PC: variants seen among roughly 807,000 people sequenced by gnomAD.
PC encodes pyruvate carboxylase, mitochondrial.
A neutral mutation model predicts 107.8 loss-of-function variants in PC; 46 were observed. The observed-to-expected ratio is 0.43, with a 90% CI of 0.34 to 0.55. The LOEUF (loss-of-function observed/expected upper bound fraction) is 0.55. Among genes scored for constraint, PC ranks in the 20% least tolerant of loss-of-function variants. PC has a pLI of 0.04. For missense variants in PC, 1,241 were observed against 1,643.1 expected (o/e 0.76, Z 4.23); for synonymous variants, 662 against 684.7 (o/e 0.97, Z 0.52).
At chr11:66,890,663 G>C (rs1947542824) in intron 3 of PC, among the ~76,000 whole-genome samples, 1 of 151,292 alleles carries the variant, frequency 6.6e-6, no homozygotes, top group African/African-American at 2.4e-5. Context: ...ACCATGCCCG[G>C]CTAATTTTGT....
rs558459320 is a variant in PC, at chr11:66,931,649, G to A, written c.-1+20781C>T. ...CAGACTTTTTATTTGTGCTGACATC[G>A]GACGATTTCCAAGATACACTGATAA... On this transcript the variant is annotated intron_variant, in intron 3 of 22. Transcript: ENST00000393960. Among the ~76,000 whole-genome samples, 178 of 152,026 alleles carry A rather than the reference G, an allele frequency of 1.2e-3. 1 individual carries two copies. The highest frequency in any genetic ancestry group is 0.011 in the South Asian group (53 of 4,814).
chr11:66,953,422 ATAAG>A (rs761575768), intron 2 of PC, among the ~76,000 whole-genome samples: 25 of 152,202 alleles, frequency 1.6e-4, no homozygotes, highest in Non-Finnish European at 2.9e-4. Context: ...CCTCTCTGCC[ATAAG>A]TAAGAGCCCA....
intron 3 of PC, among the ~76,000 whole-genome samples, chr11:66,930,737 G>A (rs947403097): frequency 2.9e-5 from 3 of 103,384 alleles, no homozygotes; most frequent in Non-Finnish European, 5.6e-5. Context: ...GCAAGACTCT[G>A]TCTTAAAAAA....
chr11:66,862,775 G>A (rs1310478716), intron 12 of PC, among the ~76,000 whole-genome samples: 2 of 152,240 alleles, frequency 1.3e-5, no homozygotes, highest in African/African-American at 2.4e-5. Flanking sequence ...TACCCATTTA[G>A]AGTCCTCATG....
At chr11:66,912,014 C>A (rs993601387) in intron 3 of PC, among the ~76,000 whole-genome samples, 9 of 147,956 alleles carry the variant, frequency 6.1e-5, no homozygotes, top group Non-Finnish European at 1.0e-4. Context: ...GCCTGGGCAA[C>A]AGAGCAAGAC....
chr11:66,864,335 C>T lies in PC; in HGVS notation c.1186-379G>A, dbSNP rs368576053. On this transcript the variant is annotated intron_variant, in intron 11 of 22. Coordinates refer to ENST00000393960, the MANE Select transcript of PC (RefSeq NM_001040716.2). ...CTAGCCTTTCAGACTCATCCACGTT[C>T]GTTCCACAGCACGGATTGAGGTCTG... is the stretch of plus-strand genomic sequence containing the variant. Among the ~76,000 whole-genome samples, 59 of 152,378 alleles carry T rather than the reference C, an allele frequency of 3.9e-4. 3 individuals carry two copies. The highest frequency in any genetic ancestry group is 2.3e-3 in the East Asian group (12 of 5,176).
At chr11:66,879,763 T>C (rs997592560) in intron 3 of PC, among the ~76,000 whole-genome samples, 2 of 151,884 alleles carry the variant, frequency 1.3e-5, no homozygotes, top group African/African-American at 4.8e-5. Flanking sequence ...CCTGGCAAGA[T>C]GATGAGGGAG....
intron 3 of PC, among the ~76,000 whole-genome samples, chr11:66,927,684 C>T (rs1015261585): frequency 1.3e-5 from 2 of 149,144 alleles, no homozygotes; most frequent in African/African-American, 2.5e-5. Flanking sequence ...GATCGTGCCA[C>T]GGCACTCCAG....
intron 3 of PC, among the ~76,000 whole-genome samples, chr11:66,903,773 A>AAAAAT (rs1555039098): frequency 1.4e-4 from 9 of 62,524 alleles, no homozygotes; most frequent in African/African-American, 4.9e-4. Flanking sequence ...AAAAAAAAAA[A>AAAAAT]ATATATATAT....
chr11:66,876,657 T>C (rs1171355807), intron 3 of PC, among the ~76,000 whole-genome samples: 3 of 152,182 alleles, frequency 2.0e-5, no homozygotes, highest in Admixed American at 1.3e-4. Flanking sequence ...TAAGCCCTGC[T>C]CCAGGCGAGT....
At chr11:66,918,480 C>T (rs1442838988) in intron 3 of PC, among the ~76,000 whole-genome samples, 1 of 151,920 alleles carries the variant, frequency 6.6e-6, no homozygotes, top group African/African-American at 2.4e-5. Context: ...CCTCCGCCTC[C>T]TGGGTTCAAG....
chr11:66,891,288 G>A (rs776569738), intron 3 of PC, among the ~76,000 whole-genome samples: 1 of 151,748 alleles, frequency 6.6e-6, no homozygotes, highest in Non-Finnish European at 1.5e-5. Flanking sequence ...TTTACCTCCT[G>A]ACCTCAGGTG....
intron 12 of PC, among the ~76,000 whole-genome samples, chr11:66,862,230 C>T (rs1946297358): frequency 6.6e-6 from 1 of 152,162 alleles, no homozygotes; most frequent in Non-Finnish European, 1.5e-5. Context: ...GACAGGGACC[C>T]CCAACAGGGA....
At position 66,871,630 on chromosome 11, in the gene PC, G is replaced by A. The variant is rs900580664; in HGVS notation, c.321+57C>T. 2.4e-5 allele frequency: 38 copies of A among 1,560,862 alleles called. No individual in the cohort carries two copies. Among genetic ancestry groups the A allele is most frequent in the East Asian group, 4.8e-5 (2 of 41,864 alleles). ...CACGCCAGCCTCAAGAGACCCCCGC[G>A]GCAACTAAGACTCCCTGGTCCCTGC... On this transcript the variant is annotated intron_variant, in intron 5 of 22. Coordinates refer to ENST00000393960, the MANE Select transcript of PC (RefSeq NM_001040716.2). This position sits in a 1 kb window ranked among gnomAD's most constrained non-coding sequence, Gnocchi z 7.4.
intron 12 of PC, chr11:66,860,652 T>A (rs1290667213): frequency 1.4e-6 from 1 of 701,610 alleles, no homozygotes; most frequent in Non-Finnish European, 2.6e-6. Flanking sequence ...CCAAGGGCTG[T>A]GCCTGGTGTC....
chr11:66,854,643 G>C (rs1028222180), intron 12 of PC, among the ~76,000 whole-genome samples: 3 of 152,154 alleles, frequency 2.0e-5, no homozygotes, highest in African/African-American at 7.2e-5. Flanking sequence ...CTTCCACCGC[G>C]AAGAAAACAC....
At position 66,866,501 on chromosome 11, in the gene PC, C is replaced by A. The variant is rs984059965; in HGVS notation, c.1023-152G>T. ...GGGCCAGCCTGAACAGCCGGTTCCTCCCAACCAGTGGCTCCACCAGCCCCT... is the reference window on the plus strand; with the variant it reads ...GGGCCAGCCTGAACAGCCGGTTCCTACCAACCAGTGGCTCCACCAGCCCCT... On this transcript the variant is annotated intron_variant, in intron 10 of 22. Transcript: ENST00000393960. This position sits in a 1 kb window ranked among gnomAD's most constrained non-coding sequence, Gnocchi z 5.4. 20 of 646,058 alleles carry A rather than the reference C, an allele frequency of 3.1e-5. No homozygotes were observed. In the African/African-American group the frequency reaches 3.6e-4, roughly 12 times the overall value. The allele number at this position is 646,058 out of a possible 1,614,324, so 40.0% of individuals were successfully genotyped here. A position where few individuals can be genotyped will look rare whatever the true frequency, so the allele number is the denominator to read the frequency against.
At position 66,850,835 on chromosome 11, in the gene PC, T is replaced by C; in HGVS notation, c.2312A>G (p.His771Arg). The change falls in exon 18 of 23, where the codon CAC (histidine) becomes CGC (arginine). Residue 771 changes from histidine to arginine, a missense_variant. Around this residue, in one of 2 missense-constraint regions of PC, gnomAD observed 1,143 missense variants for 1,551.9 expected, o/e 0.74. Transcript: ENST00000393960. The part of the protein sequence containing the change: ...DRFPDLPLHI[H>R]THDTSGAGVA... Reference sequence around the variant, plus strand: ...GCCTGCCCCTGACGTGTCGTGGGTGTGGATGTGCAGTGGGAGGTCGGGGAA... The same window carrying C: ...GCCTGCCCCTGACGTGTCGTGGGTGCGGATGTGCAGTGGGAGGTCGGGGAA... 6.2e-7 allele frequency: 1 copy of C among 1,612,112 alleles called. No individual in the cohort carries two copies. The highest frequency in any genetic ancestry group is 1.3e-5 in the African/African-American group (1 of 75,024).
At chr11:66,888,168 T>C (rs912585086) in intron 3 of PC, among the ~76,000 whole-genome samples, 45 of 152,364 alleles carry the variant, frequency 3.0e-4, no homozygotes, top group African/African-American at 1.1e-3. Context: ...CTGGGTACCT[T>C]TGGAGGCCAT....
Sources: gnomAD v4.1 joint callset for allele counts (sites outside exome capture counted in the v4.1 genomes callset) on GRCh38, gnomAD v4.1.1 for gene constraint, gnomAD v4.1.1 regional missense constraint, Gnocchi (gnomAD v3.1) non-coding constraint, MANE v1.5 for transcripts, NCBI Gene and HGNC (gene_info 2026-07-23, HGNC 2026-07-21) for gene names.